Variants in ACOX3 observed in about 807,000 individuals in gnomAD.
The protein encoded by ACOX3 is peroxisomal acyl-coenzyme A oxidase 3.
In ACOX3, 73 loss-of-function variants were observed where a neutral mutation model predicts 81.5. The ratio of observed to expected loss-of-function variants is 0.90; its 90% CI spans 0.74 to 1.09. The LOEUF (loss-of-function observed/expected upper bound fraction) is 1.09, where lower values mean the gene tolerates loss of function less well. Ranked by LOEUF, ACOX3 falls within the 50% of genes least tolerant of loss-of-function variation. ACOX3 has a pLI of 0.00. For synonymous variants in ACOX3, 387 were observed against 375.1 expected (o/e 1.03, Z -0.37); for missense variants, 947 against 928.0 (o/e 1.02, Z -0.27).
At chr4:8,362,144 G>A (rs577541493), downstream of ACOX3, among the ~76,000 whole-genome samples, 8 of 152,242 alleles carry the variant, frequency 5.3e-5, no homozygotes, top group South Asian at 4.1e-4. Flanking sequence ...GTTCTTAAAC[G>A]CAGGTTTTTA....
intron 1 of ACOX3, among the ~76,000 whole-genome samples, chr4:8,425,121 T>C (rs376270107): frequency 6.6e-6 from 1 of 152,196 alleles, no homozygotes; most frequent in African/African-American, 2.4e-5. Context: ...AGGAAGCCAT[T>C]AGGAGATTAC....
chr4:8,361,909 T>C (rs1715240913), downstream of ACOX3, among the ~76,000 whole-genome samples: 1 of 152,236 alleles, frequency 6.6e-6, no homozygotes, highest in South Asian at 2.1e-4. Flanking sequence ...GTTATTGGTA[T>C]ATGTTCCAAA....
At chr4:8,434,280 C>T (rs1394517591) in intron 1 of ACOX3, among the ~76,000 whole-genome samples, 2 of 152,208 alleles carry the variant, frequency 1.3e-5, no homozygotes, top group Non-Finnish European at 2.9e-5. Flanking sequence ...TCGGGGGGCT[C>T]CGCTCTTAAG....
intron 13 of ACOX3, among the ~76,000 whole-genome samples, chr4:8,388,476 A>G (rs1236785564): frequency 6.6e-6 from 1 of 152,236 alleles, no homozygotes; most frequent in Non-Finnish European, 1.5e-5. Context: ...CGCAGTCTAC[A>G]GGGAAGCTGC....
Position 8,416,266 on chromosome 4 carries a change from G to C in ACOX3, c.144+112C>G. The C allele has an allele frequency of 6.4e-6, 10 of 1,571,798 alleles. No individual in the cohort carries two copies. Among genetic ancestry groups the C allele is most frequent in the Non-Finnish European group, 8.7e-6 (10 of 1,146,372 alleles). On this transcript the variant is annotated intron_variant, in intron 2 of 17. Coordinates refer to ENST00000356406, the MANE Select transcript of ACOX3 (RefSeq NM_003501.3). This position sits in a 1 kb window ranked among gnomAD's most constrained non-coding sequence, Gnocchi z 4.2. ...AGAGGAGAGAGGCCGCGCTGCCTGG[G>C]ATGAGCCTCGCCCGGCAGAGGAGGA...
Position 8,394,503 on chromosome 4 carries a change from A to C in ACOX3, c.1179+117T>G. The C allele has an allele frequency of 2.1e-6, 3 of 1,443,598 alleles. No individual in the cohort carries two copies. Among genetic ancestry groups the C allele is most frequent in the Non-Finnish European group, 2.8e-6 (3 of 1,083,076 alleles). 89.4% of individuals were successfully genotyped at this position (1,443,598 alleles called of 1,614,324 possible). A position where few individuals can be genotyped will look rare whatever the true frequency, so the allele number is the denominator to read the frequency against. ...CGAGTGGGTGGGAACAACTGGAGGA[A>C]TGCTCTGTCCTCGCAAATCAAAGGA... is the stretch of plus-strand genomic sequence containing the variant. On this transcript the variant is annotated intron_variant, in intron 10 of 17. Transcript: ENST00000356406. This position sits in a 1 kb window ranked among gnomAD's most constrained non-coding sequence, Gnocchi z 5.9.
At position 8,368,255 on chromosome 4, in the gene ACOX3, G is replaced by C. The variant is rs1035799176; in HGVS notation, c.1984-1175C>G. Among the ~76,000 whole-genome samples the C allele has an allele frequency of 1.3e-5, 2 of 152,252 alleles. No homozygotes were observed. The highest frequency in any genetic ancestry group is 4.8e-5 in the African/African-American group (2 of 41,472). ...CCCGGGCCAGCACTCCCCTACGGGA[G>C]GTGCAGACTTCACTGCTCTCAGCCT... On this transcript the variant is annotated intron_variant, in intron 17 of 17. Transcript: ENST00000356406. The surrounding 1 kb of genome is among the most constrained non-coding windows in gnomAD (Gnocchi z 5.9).
the ACOX3 span, among the ~76,000 whole-genome samples, chr4:8,360,472 CTT>C: frequency 3.6e-3 from 490 of 135,480 alleles, no homozygotes; most frequent in African/African-American, 8.3e-3. Flanking sequence ...GCTTCTTTGA[CTT>C]TTTTTTTTTT....
chr4:8,378,981 G>A (rs1003457470), intron 14 of ACOX3, among the ~76,000 whole-genome samples: 1 of 152,160 alleles, frequency 6.6e-6, no homozygotes. Context: ...TCCTGGCCCT[G>A]GCTCCAGGTC....
At chr4:8,436,928 T>C (rs1475224817) in intron 1 of ACOX3, among the ~76,000 whole-genome samples, 1 of 142,410 alleles carries the variant, frequency 7.0e-6, no homozygotes, top group Admixed American at 7.0e-5. Context: ...GGAGGTGGAG[T>C]TTGCAGTGAG....
In ACOX3 at chr4:8,423,628, G is replaced by A. The variant is rs997601732; in HGVS notation, c.-14-7093C>T. On this transcript the variant is annotated intron_variant, in intron 1 of 17. Coordinates refer to ENST00000356406, the MANE Select transcript of ACOX3 (RefSeq NM_003501.3). The surrounding 1 kb of genome is among the most constrained non-coding windows in gnomAD (Gnocchi z 4.2). Reference sequence around the variant, plus strand: ...AGTGCAAGATCTCAGGATTATCAATGAGGCTGTTGTTCCTCTATACCCAGC... The same window carrying A: ...AGTGCAAGATCTCAGGATTATCAATAAGGCTGTTGTTCCTCTATACCCAGC... 7.9e-5 allele frequency among the ~76,000 whole-genome samples: 12 copies of A among 152,182 alleles called. No homozygotes were observed. Among genetic ancestry groups the A allele is most frequent in the Non-Finnish European group, 1.3e-4 (9 of 68,022 alleles).
rs1423955523 is a variant in ACOX3 at position 8,368,244 on chromosome 4, C to A, written c.1984-1164G>T. On this transcript the variant is annotated intron_variant, in intron 17 of 17. Coordinates refer to ENST00000356406, the MANE Select transcript of ACOX3 (RefSeq NM_003501.3). This position sits in a 1 kb window ranked among gnomAD's most constrained non-coding sequence, Gnocchi z 5.9. ...TCTGGTCCTGCCCCGGGCCAGCACT[C>A]CCCTACGGGAGGTGCAGACTTCACT... Among the ~76,000 whole-genome samples the A allele has an allele frequency of 6.6e-6, 1 of 152,234 alleles. No homozygotes were observed. Among genetic ancestry groups the A allele is most frequent in the Non-Finnish European group, 1.5e-5 (1 of 68,044 alleles).
intron 11 of ACOX3, among the ~76,000 whole-genome samples, chr4:8,391,916 G>A (rs546299249): frequency 3.9e-5 from 6 of 152,338 alleles, no homozygotes; most frequent in Admixed American, 3.9e-4. Flanking sequence ...AAAACATGGT[G>A]CTAGTTTACT....
intron 16 of ACOX3, among the ~76,000 whole-genome samples, chr4:8,372,590 A>G (rs575380160): frequency 6.6e-6 from 1 of 152,280 alleles, no homozygotes; most frequent in African/African-American, 2.4e-5. Flanking sequence ...AGACGAGTAA[A>G]TGTGGCCACA....
At chr4:8,387,102 C>T (rs1412584069) in intron 13 of ACOX3, among the ~76,000 whole-genome samples, 1 of 152,258 alleles carries the variant, frequency 6.6e-6, no homozygotes, top group African/African-American at 2.4e-5. Context: ...TCTATCTGCC[C>T]AGTTGAACGT....
Position 8,389,567 on chromosome 4 carries a change from C to G in ACOX3, c.1423+45G>C. 6.2e-7 allele frequency: 1 copy of G among 1,611,734 alleles called. No homozygotes were observed. Among genetic ancestry groups the G allele is most frequent in the Non-Finnish European group, 8.5e-7 (1 of 1,179,442 alleles). On this transcript the variant is annotated intron_variant, in intron 12 of 17. Coordinates refer to ENST00000356406, the MANE Select transcript of ACOX3 (RefSeq NM_003501.3). The surrounding 1 kb of genome is among the most constrained non-coding windows in gnomAD (Gnocchi z 5.3). ...GAGGCCAGGAGAACCCACCCCTGCC[C>G]CAGTTGGGTTCCAGCGCCCCCACCA...
Position 8,416,392 on chromosome 4 carries a change from T to C in ACOX3, c.130A>G (p.Met44Val). ...GCACGCCTCACCTTAAAGCGGAGCA[T>C]GCCCTCCCCTTCCGTGAACAGCGCC... ...ELALFTEGEG[M>V]LRFKKTIFSA... is the part of the protein sequence containing the mutation. Residue 44 changes from methionine to valine, a missense_variant, in exon 2 of 18, where the codon ATG becomes GTG. By Grantham distance (21) the Met-to-Val change is conservative. Coordinates refer to ENST00000356406, the MANE Select transcript of ACOX3 (RefSeq NM_003501.3). The surrounding 1 kb of genome is among the most constrained non-coding windows in gnomAD (Gnocchi z 4.2). 1 of 1,614,212 alleles carries C rather than the reference T, an allele frequency of 6.2e-7. No individual in the cohort carries two copies. The highest frequency in any genetic ancestry group is 8.5e-7 in the Non-Finnish European group (1 of 1,180,036).
chr4:8,405,968 C>T lies in ACOX3; in HGVS notation c.763G>A (p.Gly255Ser), dbSNP rs376571135. Reference sequence around the variant, plus strand: ...TCTGTCACTCACCCATTATCCAGACCGTTCTGCCCGAGTTTTTTTCCTATG... The same window carrying T: ...TCTGTCACTCACCCATTATCCAGACTGTTCTGCCCGAGTTTTTTTCCTATG... The part of the protein sequence containing the change: ...GDIGKKLGQN[G>S]LDNGFAMFHK... The change falls in exon 7 of 18, where the codon GGT becomes AGT. Residue 255 changes from glycine (G) to serine (S), a missense_variant. Gly to Ser is a moderately conservative substitution (Grantham distance 56). Coordinates refer to ENST00000356406, the MANE Select transcript of ACOX3 (RefSeq NM_003501.3). This position sits in a 1 kb window ranked among gnomAD's most constrained non-coding sequence, Gnocchi z 7.1. 2.4e-5 allele frequency: 39 copies of T among 1,614,040 alleles called. No homozygotes were observed. Among genetic ancestry groups the T allele is most frequent in the Admixed American group, 2.2e-4 (13 of 60,012 alleles).
In ACOX3 at chr4:8,407,296, A is replaced by G. The variant is rs1220420673; in HGVS notation, c.688-1253T>C. On this transcript the variant is annotated intron_variant, in intron 6 of 17. Transcript: ENST00000356406. This position sits in a 1 kb window ranked among gnomAD's most constrained non-coding sequence, Gnocchi z 4.6. ...TGATTATTGATATTCATATATAATC[A>G]TATCTAAGATCTATATCTGGTATTC... Among the ~76,000 whole-genome samples the G allele has an allele frequency of 1.3e-5, 2 of 152,254 alleles. No individual in the cohort carries two copies. The highest frequency in any genetic ancestry group is 2.9e-5 in the Non-Finnish European group (2 of 68,048).
Sources: allele counts gnomAD v4.1 joint callset (sites outside exome capture counted in the v4.1 genomes callset), GRCh38; gene constraint gnomAD v4.1.1; non-coding constraint Gnocchi (gnomAD v3.1); transcripts MANE v1.5; gene names NCBI Gene and HGNC (gene_info 2026-07-23, HGNC 2026-07-21).